TRIM77: variants seen among roughly 807,000 people sequenced by gnomAD.
TRIM77 encodes tripartite motif-containing protein 77.
A neutral mutation model predicts 31.8 loss-of-function variants in TRIM77; 23 were observed. The observed-to-expected ratio is 0.72, with a 90% CI of 0.52 to 1.02. The LOEUF is 1.02. TRIM77 is among the 50% of genes least tolerant of loss of function. TRIM77 has a pLI of 0.00. For synonymous variants in TRIM77, 159 were observed against 183.1 expected (o/e 0.87, Z 1.06); for missense variants, 446 against 539.2 (o/e 0.83, Z 1.71).
intron 2 of TRIM77, 53 bp from the exon 3 acceptor site, chr11:89,714,139 G>C: frequency 8.1e-7 from 1 of 1,227,140 alleles, no homozygotes; most frequent in Non-Finnish European, 1.1e-6. Flanking sequence ...AGCTGATAAG[G>C]AAAGAATAAA....
At position 89,710,346 on chromosome 11, in the gene TRIM77, G is replaced by T; in HGVS notation, c.48G>T (p.Ser16=). 6.5e-7 allele frequency: 1 copy of T among 1,549,664 alleles called. No homozygotes were observed. The highest frequency in any genetic ancestry group is 8.7e-7 in the Non-Finnish European group (1 of 1,145,034). ...TQCSTSELTC[S]ICTDYLTDPV... ...GTTCTACCAGTGAGCTCACCTGCTCGATCTGCACAGACTATTTGACAGACC... is the reference window on the plus strand; with the variant it reads ...GTTCTACCAGTGAGCTCACCTGCTCTATCTGCACAGACTATTTGACAGACC... Residue 16 remains serine (S), a synonymous_variant, in exon 1 of 6, where the codon TCG becomes TCT. Transcript: ENST00000398290.
Position 89,717,447 on chromosome 11 carries a change from C to T in TRIM77, c.928C>T (p.Gln310Ter). 1 of 1,551,460 alleles carries T rather than the reference C, an allele frequency of 6.4e-7. No individual in the cohort carries two copies. The highest frequency in any genetic ancestry group is 8.7e-7 in the Non-Finnish European group (1 of 1,146,834). ...TCTGTTCGAAGACCTAAGGCATTTG[C>T]AGTGCAGCCTTGATGATACAGACAT... ...KLLFEDLRHL[Q>*]CSLDDTDMSC... The change falls in exon 6 of 6, where the codon CAG becomes TAG. Residue 310 changes from glutamine (Q) to a stop codon, truncating the protein, a stop_gained. Transcript: ENST00000398290. LOFTEE classifies it low-confidence loss of function (END_TRUNC).
At chr11:89,711,617 AC>A in intron 2 of TRIM77, 112 bp downstream of exon 2, 2 of 631,088 alleles carry the variant, frequency 3.2e-6, no homozygotes, top group Non-Finnish European at 5.6e-6. Flanking sequence ...CAGAAAAAGG[AC>A]CTACATGTGT....
chr11:89,713,403 C>T (rs2134544503), intron 2 of TRIM77, among the ~76,000 whole-genome samples: 1 of 148,532 alleles, frequency 6.7e-6, no homozygotes, highest in African/African-American at 2.5e-5. Context: ...CTGCAGTGAG[C>T]CATGATTGCA....
At chr11:89,717,344 TG>T (rs1477699494) in intron 5 of TRIM77, 34 bp from the exon 6 acceptor site, 2 of 1,494,934 alleles carry the variant, frequency 1.3e-6, no homozygotes, top group African/African-American at 2.8e-5. Flanking sequence ...ACTTTTAAAC[TG>T]TTTTTTTGCA....
intron 3 of TRIM77, 96 bp downstream of exon 3, chr11:89,714,518 G>C (rs534096020): frequency 5.6e-6 from 5 of 897,838 alleles, no homozygotes; most frequent in Non-Finnish European, 6.6e-6. Context: ...TTACTTTTCC[G>C]GTTCCAAATA....
Position 89,717,764 on chromosome 11 carries a change from T to C in TRIM77, c.1245T>C (p.Cys415=), listed in dbSNP as rs953616754. ...TAGGGGTGTTCCTGGATTATGAATG[T>C]GGGATAGTGAGCTTTGTTAATGTTG... ...GWLGVFLDYE[C]GIVSFVNVAQ... is the part of the protein sequence containing the mutation. The change falls in exon 6 of 6, where the codon TGT becomes TGC. Residue 415 remains cysteine (C), a synonymous_variant. Transcript: ENST00000398290. 1.7e-5 allele frequency: 26 copies of C among 1,551,192 alleles called. No homozygotes were observed. In the African/African-American group the frequency reaches 2.5e-4, roughly 15 times the overall value.
chr11:89,713,120 A>C (rs1337901444), intron 2 of TRIM77, among the ~76,000 whole-genome samples: 1 of 151,612 alleles, frequency 6.6e-6, no homozygotes, highest in Non-Finnish European at 1.5e-5. Context: ...AAAAATACAA[A>C]AATTAGCTGG....
Position 89,717,541 on chromosome 11 carries a change from A to G in TRIM77, c.1022A>G (p.His341Arg). The G allele has an allele frequency of 6.4e-7, 1 of 1,551,564 alleles. No individual in the cohort carries two copies. Among genetic ancestry groups the G allele is most frequent in the East Asian group, 2.4e-5 (1 of 40,904 alleles). ...WGAQILSSGK[H>R]YWEVDVKDSC... ...GCTCAGATCCTCAGCTCTGGCAAAC[A>G]TTACTGGGAGGTGGATGTGAAAGAC... Residue 341 changes from histidine to arginine, a missense_variant, in exon 6 of 6, where the codon CAT becomes CGT. Coordinates refer to ENST00000398290, the MANE Select transcript of TRIM77 (RefSeq NM_001146162.1).
chr11:89,715,452 G>A (rs1203401058), intron 4 of TRIM77, among the ~76,000 whole-genome samples: 2 of 152,090 alleles, frequency 1.3e-5, no homozygotes, highest in East Asian at 1.9e-4. Context: ...GGTTATTCCA[G>A]GTTGTCAATG....
rs1205561165 is a variant in TRIM77, at chr11:89,715,971, G to T, written c.843G>T (p.Arg281Ser). The change falls in exon 5 of 6, where the codon AGG becomes AGT. Residue 281 changes from arginine (R) to serine (S), a missense_variant. Physicochemically the swap from Arg to Ser is moderately radical, Grantham distance 110 (BLOSUM62 -1). This residue lies in a region of TRIM77 where 366 missense variants were observed against 447.9 expected (regional missense o/e 0.82). Coordinates refer to ENST00000398290, the MANE Select transcript of TRIM77 (RefSeq NM_001146162.1). The part of the protein sequence containing the change: ...SAWTITGVSE[R>S]LNFFRVYITL... ...GGACCATCACTGGGGTGTCAGAAAG[G>T]CTTAACTTCTTCAGAGGTAAGAGTG... 5 of 1,546,826 alleles carry T rather than the reference G, an allele frequency of 3.2e-6. No homozygotes were observed. In the African/African-American group the frequency reaches 6.9e-5, roughly 21 times the overall value.
chr11:89,714,134 A>G lies in TRIM77; in HGVS notation c.508-58A>G, dbSNP rs1179252629. 6.1e-6 allele frequency: 7 copies of G among 1,144,654 alleles called. No individual in the cohort carries two copies. The African/African-American group carries it at 1.1e-4, about 18-fold the overall frequency. The allele number at this position is 1,144,654 out of a possible 1,614,324, so 70.9% of individuals were successfully genotyped here. On this transcript the variant is annotated intron_variant, in intron 2 of 5. Coordinates refer to ENST00000398290, the MANE Select transcript of TRIM77 (RefSeq NM_001146162.1). Reference sequence around the variant, plus strand: ...AACATGAAACAAAGCAGAATAGCTGATAAGGAAAGAATAAAACCACTTAGA... The same window carrying G: ...AACATGAAACAAAGCAGAATAGCTGGTAAGGAAAGAATAAAACCACTTAGA...
rs1332428519 is a variant in TRIM77 at position 89,715,961 on chromosome 11, T to C, written c.833T>C (p.Val278Ala). ...PQLSAWTITG[V>A]SERLNFFRVY... ...CTCAGTGCATGGACCATCACTGGGG[T>C]GTCAGAAAGGCTTAACTTCTTCAGA... Residue 278 changes from valine to alanine, a missense_variant, in exon 5 of 6, where the codon GTG becomes GCG. Coordinates refer to ENST00000398290, the MANE Select transcript of TRIM77 (RefSeq NM_001146162.1). 1.3e-6 allele frequency: 2 copies of C among 1,547,966 alleles called. No individual in the cohort carries two copies. The highest frequency in any genetic ancestry group is 4.9e-5 in the East Asian group (2 of 40,810).
chr11:89,714,491 A>T (rs2134546057), intron 3 of TRIM77, 69 bp downstream of exon 3: 4 of 1,030,916 alleles, frequency 3.9e-6, no homozygotes, highest in Admixed American at 2.8e-5. Flanking sequence ...TAGAGTCTAT[A>T]TCCTTTTTGA....
At chr11:89,715,796 C>T in intron 4 of TRIM77, 94 bp from the exon 5 acceptor site, 1 of 756,792 alleles carries the variant, frequency 1.3e-6, no homozygotes, top group South Asian at 2.1e-5. Flanking sequence ...CACTCTTCAA[C>T]CTAATTGTGA....
At position 89,717,680 on chromosome 11, in the gene TRIM77, C is replaced by T. The variant is rs1255619566; in HGVS notation, c.1161C>T (p.Phe387=). The change falls in exon 6 of 6, where the codon TTC becomes TTT. Residue 387 remains phenylalanine (F), a synonymous_variant. Transcript: ENST00000398290. Reference sequence around the variant, plus strand: ...TGTGTCTCAAAGTGGATGACCATTTCAGTCTCTTCTCTACCTCCCCACTGT... The same window carrying T: ...TGTGTCTCAAAGTGGATGACCATTTTAGTCTCTTCTCTACCTCCCCACTGT... ...LLLCLKVDDH[F]SLFSTSPLLP... 5.2e-6 allele frequency: 8 copies of T among 1,551,170 alleles called. No homozygotes were observed. The Admixed American group carries it at 1.4e-4, about 27-fold the overall frequency.
rs1315324906 is a variant in TRIM77, at chr11:89,714,223, G to T, written c.539G>T (p.Ser180Ile). The change falls in exon 3 of 6, where the codon AGT (serine) becomes ATT (isoleucine). Residue 180 changes from serine to isoleucine, a missense_variant. Ser to Ile is a moderately radical substitution (Grantham distance 142). Coordinates refer to ENST00000398290, the MANE Select transcript of TRIM77 (RefSeq NM_001146162.1). ...ATAAATTTGCGGAGCATGATGATCA[G>T]TGCTGAATATCCTAAGGTGTGTCAA... ...VFINLRSMMI[S>I]AEYPKVCQYL... 3 of 1,551,416 alleles carry T rather than the reference G, an allele frequency of 1.9e-6. No individual in the cohort carries two copies. The highest frequency in any genetic ancestry group is 2.0e-5 in the Admixed American group (1 of 50,976).
intron 2 of TRIM77, among the ~76,000 whole-genome samples, chr11:89,713,906 T>C (rs1949142611): frequency 6.6e-6 from 1 of 152,034 alleles, no homozygotes; most frequent in Non-Finnish European, 1.5e-5. Flanking sequence ...GATGAAGAGG[T>C]TAGAACATTA....
Position 89,710,469 on chromosome 11 carries a change from A to G in TRIM77, c.171A>G (p.Glu57=). 1 of 1,551,622 alleles carries G rather than the reference A, an allele frequency of 6.4e-7. No homozygotes were observed. Among genetic ancestry groups the G allele is most frequent in the Non-Finnish European group, 8.7e-7 (1 of 1,146,872 alleles). Residue 57 remains glutamate, a synonymous_variant, in exon 1 of 6, where the codon GAA becomes GAG. Transcript: ENST00000398290. ...CTAATTGCTGCCCTGTGTGCAGGGA[A>G]ATATCACAGCAAATGTACTTCAAAC... The part of the protein sequence containing the change: ...LTPNCCPVCR[E]ISQQMYFKRI...
Sources: gnomAD v4.1 joint callset for allele counts (sites outside exome capture counted in the v4.1 genomes callset) on GRCh38, gnomAD v4.1.1 for gene constraint, gnomAD v4.1.1 regional missense constraint, MANE v1.5 for transcripts, NCBI Gene and HGNC (gene_info 2026-07-23, HGNC 2026-07-21) for gene names.